The following SPATS2 variants were observed in gnomAD, a reference collection of about 807,000 sequenced individuals.
The protein encoded by SPATS2 is spermatogenesis-associated serine-rich protein 2.
Under a neutral mutation model 63.7 loss-of-function variants are expected in SPATS2, and 38 were observed. The observed-to-expected ratio is 0.60, with a 90% CI of 0.46 to 0.78. The LOEUF (loss-of-function observed/expected upper bound fraction) is 0.78. Ranked by LOEUF, SPATS2 falls within the 30% of genes least tolerant of loss-of-function variation. SPATS2 has a pLI of 0.00. For synonymous variants in SPATS2, 207 were observed against 232.9 expected (o/e 0.89, Z 1.01); for missense variants, 588 against 666.2 (o/e 0.88, Z 1.29).
At chr12:49,387,491 G>C (rs1054170320) in intron 2 of SPATS2, among the ~76,000 whole-genome samples, 2 of 151,870 alleles carry the variant, frequency 1.3e-5, no homozygotes, top group African/African-American at 4.8e-5. Context: ...ACAAAAATTG[G>C]CCAGGCGCGG....
intron 2 of SPATS2, among the ~76,000 whole-genome samples, chr12:49,399,748 A>AC (rs1944572809): frequency 6.6e-6 from 1 of 152,186 alleles, no homozygotes; most frequent in Non-Finnish European, 1.5e-5. Flanking sequence ...TTAAAATATG[A>AC]AAAAAATGGC....
Position 49,484,548 on chromosome 12 carries a change from T to C in SPATS2, c.26-42T>C, listed in dbSNP as rs75432657. On this transcript the variant is annotated intron_variant, in intron 3 of 13. Transcript: ENST00000552918. ...GCCCTTCTGTCTTAGGGATGGATTATATTTGGATCATGTTGAATATATTTT... is the reference window on the plus strand; with the variant it reads ...GCCCTTCTGTCTTAGGGATGGATTACATTTGGATCATGTTGAATATATTTT... 2,325 of 1,589,428 alleles carry C rather than the reference T, an allele frequency of 1.5e-3. 32 individuals carry two copies. The African/African-American group carries it at 0.027, about 19-fold the overall frequency.
chr12:49,488,948 A>T (rs928068530), intron 4 of SPATS2, among the ~76,000 whole-genome samples: 6 of 152,184 alleles, frequency 3.9e-5, no homozygotes, highest in African/African-American at 1.2e-4. Flanking sequence ...TGTTTTAATA[A>T]ACTCAGTGGC....
chr12:49,477,184 A>C (rs142971021), intron 3 of SPATS2, among the ~76,000 whole-genome samples: 303 of 152,226 alleles, frequency 2.0e-3, no homozygotes, highest in African/African-American at 6.7e-3. Flanking sequence ...GAAATCTATG[A>C]GGGAAAGTAA....
At chr12:49,455,125 G>GA (rs1448104305) in intron 2 of SPATS2, among the ~76,000 whole-genome samples, 5 of 151,876 alleles carry the variant, frequency 3.3e-5, no homozygotes, top group Non-Finnish European at 7.4e-5. Flanking sequence ...TTTAAAGTCT[G>GA]GCTTGCTGAA....
chr12:49,389,314 CG>C (rs1944377462), intron 2 of SPATS2, among the ~76,000 whole-genome samples: 1 of 152,180 alleles, frequency 6.6e-6, no homozygotes, highest in South Asian at 2.1e-4. Context: ...TCTCCCCCGC[CG>C]GTGGTGGGGC....
intron 2 of SPATS2, among the ~76,000 whole-genome samples, chr12:49,384,457 A>G (rs1478246639): frequency 6.6e-6 from 1 of 152,210 alleles, no homozygotes; most frequent in Non-Finnish European, 1.5e-5. Context: ...TACCCCACAG[A>G]CTAACAGATT....
chr12:49,399,448 G>T (rs1027000013), intron 2 of SPATS2, among the ~76,000 whole-genome samples: 1 of 152,120 alleles, frequency 6.6e-6, no homozygotes, highest in Non-Finnish European at 1.5e-5. Context: ...TAGGGGCCAC[G>T]CATAAAGCTG....
chr12:49,392,904 T>C (rs541780058), intron 2 of SPATS2, among the ~76,000 whole-genome samples: 1 of 151,898 alleles, frequency 6.6e-6, no homozygotes, highest in South Asian at 2.1e-4. Flanking sequence ...ATACAAAAAT[T>C]AGCCAGGCGT....
At chr12:49,476,045 G>A (rs1003847006) in intron 3 of SPATS2, among the ~76,000 whole-genome samples, 1 of 152,146 alleles carries the variant, frequency 6.6e-6, no homozygotes, top group Non-Finnish European at 1.5e-5. Flanking sequence ...TAAGACCTAG[G>A]TGAGGATAGG....
intron 2 of SPATS2, among the ~76,000 whole-genome samples, chr12:49,382,467 T>C (rs1944239834): frequency 6.6e-6 from 1 of 152,242 alleles, no homozygotes; most frequent in Admixed American, 6.5e-5. Context: ...ATTCATCTTA[T>C]CTTTTACTTC....
At chr12:49,486,630 G>GT (rs1459868384) in intron 4 of SPATS2, among the ~76,000 whole-genome samples, 1 of 151,992 alleles carries the variant, frequency 6.6e-6, no homozygotes, top group Non-Finnish European at 1.5e-5. Context: ...CACTTGTATG[G>GT]TTTTTTTATT....
chr12:49,462,456 T>C (rs2137686428), intron 3 of SPATS2: 3 of 701,940 alleles, frequency 4.3e-6, no homozygotes. Context: ...GCTCTGCCAT[T>C]TGTGGACGGC....
chr12:49,464,117 A>G (rs1338518193), intron 3 of SPATS2, among the ~76,000 whole-genome samples: 1 of 152,212 alleles, frequency 6.6e-6, no homozygotes, highest in Non-Finnish European at 1.5e-5. Flanking sequence ...TTATTGAGGT[A>G]TAATTTAAAT....
intron 2 of SPATS2, among the ~76,000 whole-genome samples, chr12:49,446,138 A>G (rs1273073120): frequency 6.6e-6 from 1 of 152,118 alleles, no homozygotes; most frequent in Non-Finnish European, 1.5e-5. Context: ...TCCTGAGCTC[A>G]GGTGATCTGC....
At chr12:49,463,869 G>C (rs1340991271) in intron 3 of SPATS2, among the ~76,000 whole-genome samples, 1 of 152,098 alleles carries the variant, frequency 6.6e-6, no homozygotes, top group Non-Finnish European at 1.5e-5. Flanking sequence ...GAAATACTTA[G>C]TGGAGTTAAA....
intron 2 of SPATS2, among the ~76,000 whole-genome samples, chr12:49,416,865 C>T (rs1454835769): frequency 6.6e-6 from 1 of 152,164 alleles, no homozygotes; most frequent in Non-Finnish European, 1.5e-5. Context: ...AAGAATGAGA[C>T]TCTACCTTTT....
chr12:49,523,438 T>C (rs117254705), intron 12 of SPATS2, among the ~76,000 whole-genome samples: 3,126 of 152,030 alleles, frequency 0.021, 50 homozygotes, highest in Non-Finnish European at 0.032. Flanking sequence ...GAGGTTCCAG[T>C]GAGCTATGAT....
chr12:49,516,204 T>TATATATATATAAAAATAA (rs764472141), intron 10 of SPATS2, among the ~76,000 whole-genome samples: 8 of 70,708 alleles, frequency 1.1e-4, no homozygotes, highest in African/African-American at 3.7e-4. Context: ...TATATATATA[T>TATATATATATAAAAATAA]ATATAAATCA....
Sources: gnomAD v4.1 joint callset for allele counts (sites outside exome capture counted in the v4.1 genomes callset) on GRCh38, gnomAD v4.1.1 for gene constraint, MANE v1.5 for transcripts, NCBI Gene and HGNC (gene_info 2026-07-23, HGNC 2026-07-21) for gene names.